ARHGEF12: variants seen among roughly 807,000 people sequenced by gnomAD.
ARHGEF12 encodes KMT2A/ARHGEF12 fusion protein.
A neutral mutation model predicts 211.2 loss-of-function variants in ARHGEF12; 66 were observed. The ratio of observed to expected loss-of-function variants is 0.31; its 90% CI spans 0.26 to 0.38. The LOEUF (loss-of-function observed/expected upper bound fraction) is 0.38. Ranked by LOEUF, ARHGEF12 falls within the 10% of genes least tolerant of loss-of-function variation. The probability of loss-of-function intolerance (pLI) is 1.00; values close to 1 mark genes in which losing one functional copy is unlikely to be tolerated. For missense variants in ARHGEF12, 1,429 were observed against 1,869.5 expected (o/e 0.76, Z 4.34); for synonymous variants, 592 against 638.4 (o/e 0.93, Z 1.09).
At chr11:120,355,175 A>T (rs144560621) in intron 1 of ARHGEF12, among the ~76,000 whole-genome samples, 2 of 152,222 alleles carry the variant, frequency 1.3e-5, no homozygotes, top group African/African-American at 4.8e-5. Context: ...ACCGGTTCAC[A>T]GTTGACAAAC....
intron 1 of ARHGEF12, among the ~76,000 whole-genome samples, chr11:120,405,192 G>A (rs181752677): frequency 6.6e-6 from 1 of 152,112 alleles, no homozygotes; most frequent in East Asian, 1.9e-4. Flanking sequence ...TTTACTAATA[G>A]GCTTTTTTAA....
chr11:120,445,226 G>A (rs1004366261), intron 15 of ARHGEF12, among the ~76,000 whole-genome samples, 196 bp from the exon 16 acceptor site: 2 of 152,092 alleles, frequency 1.3e-5, no homozygotes, highest in Admixed American at 6.5e-5. Flanking sequence ...CATGATCCTC[G>A]GGAAAAGGGC....
chr11:120,410,101 A>G (rs1049621404), intron 4 of ARHGEF12: 8 of 152,202 alleles, frequency 5.3e-5, no homozygotes, highest in African/African-American at 1.9e-4. Context: ...TAATCTTAAC[A>G]AAGAGCAAGT....
chr11:120,389,514 T>C (rs1419117368), intron 1 of ARHGEF12, among the ~76,000 whole-genome samples: 1 of 152,226 alleles, frequency 6.6e-6, no homozygotes, highest in Admixed American at 6.5e-5. Flanking sequence ...ATGGATTACA[T>C]CAGATATTTT....
chr11:120,477,550 T>C (rs1947083938), intron 36 of ARHGEF12, 24 bp downstream of exon 36: 2 of 1,593,046 alleles, frequency 1.3e-6, no homozygotes, highest in African/African-American at 2.7e-5. Context: ...AAGAGTTCAA[T>C]GGAGAATGTG....
chr11:120,463,546 A>T (rs77586602), intron 27 of ARHGEF12: 2 of 138,968 alleles, frequency 1.4e-5, no homozygotes, highest in Non-Finnish European at 3.1e-5. Context: ...AAAAAAAAAA[A>T]CCAAAAAAAA....
intron 33 of ARHGEF12, 101 bp downstream of exon 33, chr11:120,475,608 T>C: frequency 8.2e-7 from 1 of 1,223,308 alleles, no homozygotes; most frequent in Non-Finnish European, 1.1e-6. Flanking sequence ...AGAGTCTTGC[T>C]ATTTTTATAT....
chr11:120,460,279 C>G (rs1266203414), intron 26 of ARHGEF12, among the ~76,000 whole-genome samples: 1 of 152,188 alleles, frequency 6.6e-6, no homozygotes, highest in Admixed American at 6.5e-5. Context: ...CATGCATTGA[C>G]AAGTTCAGGC....
chr11:120,412,866 G>A (rs911548063), intron 4 of ARHGEF12, among the ~76,000 whole-genome samples: 2 of 152,030 alleles, frequency 1.3e-5, no homozygotes, highest in Non-Finnish European at 2.9e-5. Flanking sequence ...GTCCCCTGTG[G>A]TCAGCTATTT....
In ARHGEF12 at chr11:120,476,709, T is replaced by G. The variant is rs1947042382; in HGVS notation, c.3326T>G (p.Ile1109Ser). 6.2e-7 allele frequency: 1 copy of G among 1,613,066 alleles called. No individual in the cohort carries two copies. The highest frequency in any genetic ancestry group is 8.5e-7 in the Non-Finnish European group (1 of 1,179,622). ...TCCATGTCAGACAATGGCGCTCAGA[T>G]TTATGAACTGGTGGCACAGACAGTT... Reference protein sequence around the residue: ...VISMSDNGAQIYELVAQTVSE... With the variant: ...VISMSDNGAQSYELVAQTVSE... Residue 1109 changes from isoleucine to serine, a missense_variant, in exon 34 of 41, where the codon ATT becomes AGT. By Grantham distance (142) the Ile-to-Ser change is moderately radical. Around this residue, in one of 7 missense-constraint regions of ARHGEF12, gnomAD observed 223 missense variants for 444.6 expected, o/e 0.50. Transcript: ENST00000397843.
chr11:120,345,772 G>A (rs1591480450), intron 1 of ARHGEF12, among the ~76,000 whole-genome samples: 1 of 148,616 alleles, frequency 6.7e-6, no homozygotes, highest in Admixed American at 6.7e-5. Context: ...ACAGTATTTA[G>A]CCTTGGACGT....
intron 1 of ARHGEF12, among the ~76,000 whole-genome samples, chr11:120,399,307 T>C: frequency 1.3e-5 from 1 of 79,670 alleles, no homozygotes; most frequent in African/African-American, 4.9e-5. Flanking sequence ...AGTGAGAGAG[T>C]GAGACATTGT....
At chr11:120,482,439 G>A (rs1471331281) in intron 39 of ARHGEF12, among the ~76,000 whole-genome samples, 1 of 152,096 alleles carries the variant, frequency 6.6e-6, no homozygotes, top group Non-Finnish European at 1.5e-5. Context: ...CCAAGAGAAA[G>A]ACCTATCTTA....
chr11:120,481,466 G>T lies in ARHGEF12; in HGVS notation c.4444G>T (p.Ala1482Ser), dbSNP rs1407433778. The change falls in exon 39 of 41, where the codon GCT becomes TCT. Residue 1482 changes from alanine to serine, a missense_variant. This residue lies in a region of ARHGEF12 where 467 missense variants were observed against 468.4 expected (regional missense o/e 1.00). Transcript: ENST00000397843. Reference protein sequence around the residue: ...PEFLVQQRWGAMEYSCFEIQS... With the variant: ...PEFLVQQRWGSMEYSCFEIQS... Reference sequence around the variant, plus strand: ...ATTTCTGGTCCAGCAGCGCTGGGGAGCTATGGAGTATTCCTGTTTTGAGAT... The same window carrying T: ...ATTTCTGGTCCAGCAGCGCTGGGGATCTATGGAGTATTCCTGTTTTGAGAT... The T allele has an allele frequency of 6.8e-6, 11 of 1,614,074 alleles. No individual in the cohort carries two copies. Among genetic ancestry groups the T allele is most frequent in the Non-Finnish European group, 7.6e-6 (9 of 1,180,058 alleles).
At chr11:120,458,017 T>C (rs1420530266) in intron 24 of ARHGEF12, 63 bp from the exon 25 acceptor site, 18 of 1,525,006 alleles carry the variant, frequency 1.2e-5, no homozygotes, top group Non-Finnish European at 1.6e-5. Context: ...ATATAAAGAT[T>C]TGTGCTGTTT....
At chr11:120,351,636 A>G (rs929567649) in intron 1 of ARHGEF12, among the ~76,000 whole-genome samples, 44 of 150,682 alleles carry the variant, frequency 2.9e-4, no homozygotes, top group African/African-American at 1.0e-3. Context: ...ACGCCCGTCT[A>G]ATTTTTGTAT....
At chr11:120,372,074 T>G (rs1045094805) in intron 1 of ARHGEF12, among the ~76,000 whole-genome samples, 3 of 152,256 alleles carry the variant, frequency 2.0e-5, no homozygotes, top group African/African-American at 7.2e-5. Context: ...CCTAGAGCAG[T>G]GATGCTTTCA....
chr11:120,441,226 C>T (rs2135781960), intron 13 of ARHGEF12, among the ~76,000 whole-genome samples: 1 of 151,958 alleles, frequency 6.6e-6, no homozygotes, highest in East Asian at 1.9e-4. Context: ...AATTGTGATG[C>T]TAGTTTACAT....
chr11:120,420,968 A>G (rs1426956307), intron 5 of ARHGEF12, 117 bp downstream of exon 5: 6 of 826,800 alleles, frequency 7.3e-6, no homozygotes, highest in South Asian at 1.8e-5. Context: ...CATGTGGACT[A>G]TTGTGCTAGA....
Sources: allele counts gnomAD v4.1 joint callset (sites outside exome capture counted in the v4.1 genomes callset), GRCh38; gene constraint gnomAD v4.1.1; regional missense constraint gnomAD v4.1.1; transcripts MANE v1.5; gene names NCBI Gene and HGNC (gene_info 2026-07-23, HGNC 2026-07-21).